Variants in SERPINB10 observed in about 807,000 individuals in gnomAD.
SERPINB10 encodes serpin family B member 10, also known as serpin B10.
In SERPINB10, 35 loss-of-function variants were observed where a neutral mutation model predicts 39.1. The observed-to-expected ratio is 0.90, with a 90% CI of 0.68 to 1.19. SERPINB10 has a LOEUF of 1.19. SERPINB10 is among the 50% of genes most tolerant of loss of function. The probability of loss-of-function intolerance (pLI) is 0.00; values close to 1 mark genes in which losing one functional copy is unlikely to be tolerated. For synonymous variants in SERPINB10, 190 were observed against 158.1 expected, an observed-to-expected ratio of 1.20 and a Z score of -1.52; for missense variants, 546 against 460.5, an observed-to-expected ratio of 1.19 and a Z score of -1.70.
At chr18:63,913,093 C>T (rs2050076642) in intron 1 of SERPINB10, among the ~76,000 whole-genome samples, 1 of 151,812 alleles carries the variant, frequency 6.6e-6, no homozygotes, top group Non-Finnish European at 1.5e-5. Flanking sequence ...CTCTGAGGAT[C>T]ATTTGTATTT....
chr18:63,910,434 T>G (rs1360934843), intron 1 of SERPINB10, among the ~76,000 whole-genome samples: 1 of 151,882 alleles, frequency 6.6e-6, no homozygotes, highest in Non-Finnish European at 1.5e-5. Context: ...CAATAGTTAG[T>G]TTTTCAATCT....
intron 5 of SERPINB10, among the ~76,000 whole-genome samples, chr18:63,927,054 C>T (rs1319774767): frequency 6.6e-6 from 1 of 151,804 alleles, no homozygotes; most frequent in Non-Finnish European, 1.5e-5. Context: ...TTATTATTTG[C>T]AAATAATAAT....
intron 1 of SERPINB10, among the ~76,000 whole-genome samples, chr18:63,914,981 G>C (rs1019087256): frequency 2.0e-5 from 3 of 152,030 alleles, no homozygotes; most frequent in African/African-American, 7.2e-5. Flanking sequence ...AATTAGTTGT[G>C]CATGATTCCA....
In SERPINB10 at chr18:63,917,504, GAA is replaced by G; in HGVS notation, c.225_226del (p.Arg76GlufsTer15). ...GGGAGTCAAATGTGACCCTGAAAGT[GAA>G]AAAAAAAGGAAAATGGTATATCTTA... Reference protein sequence around the residue: ...DQGVKCDPESEKKRKMEFNLS... With the variant: ...DQGVKCDPESXKKRKMEFNLS... On this transcript the variant is annotated frameshift_variant, in exon 3 of 8. Coordinates refer to ENST00000238508, the MANE Select transcript of SERPINB10 (RefSeq NM_005024.3). LOFTEE classifies it high-confidence loss of function. 9 of 1,531,352 alleles carry G rather than the reference GAA, an allele frequency of 5.9e-6. No individual in the cohort carries two copies. Among genetic ancestry groups the G allele is most frequent in the Admixed American group, 4.0e-5 (2 of 49,980 alleles). 94.9% of individuals were successfully genotyped at this position (1,531,352 alleles called of 1,614,324 possible).
chr18:63,908,794 C>T (rs1160601493), intron 1 of SERPINB10, among the ~76,000 whole-genome samples: 2 of 151,848 alleles, frequency 1.3e-5, no homozygotes, highest in East Asian at 3.9e-4. Flanking sequence ...GGCAAGAGGC[C>T]CTTGGGAGTG....
At chr18:63,915,183 T>C (rs1420561285) in intron 1 of SERPINB10, among the ~76,000 whole-genome samples, 2 of 151,980 alleles carry the variant, frequency 1.3e-5, no homozygotes. Context: ...TACAAACACA[T>C]GGAAACAAAA....
rs397969917 is a variant in SERPINB10, at chr18:63,919,236, A to ATTTTTTT, written c.373-544_373-538dup. ...AGGACCAGGAGGAGGTGAAGGCCTC[A>ATTTTTTT]TTTTTTTTTTTTTTGCCTCAGAATG... On this transcript the variant is annotated intron_variant, in intron 4 of 7. Transcript: ENST00000238508. 4.2e-3 allele frequency among the ~76,000 whole-genome samples: 598 copies of ATTTTTTT among 142,868 alleles called. 19 individuals are homozygous for ATTTTTTT. The highest frequency in any genetic ancestry group is 0.041 in the East Asian group (199 of 4,898). The allele number at this position is 142,868 out of a possible 152,430, so 93.7% of individuals were successfully genotyped here.
At chr18:63,924,282 C>T (rs1408756350) in intron 5 of SERPINB10, among the ~76,000 whole-genome samples, 3 of 151,954 alleles carry the variant, frequency 2.0e-5, no homozygotes, top group East Asian at 3.9e-4. Flanking sequence ...GCATGGGAAG[C>T]TTCCAGTTTT....
chr18:63,923,052 T>C (rs745729060), intron 5 of SERPINB10, among the ~76,000 whole-genome samples: 1 of 151,894 alleles, frequency 6.6e-6, no homozygotes, highest in Non-Finnish European at 1.5e-5. Flanking sequence ...ATCCACACTT[T>C]AAAAAATTCT....
intron 5 of SERPINB10, among the ~76,000 whole-genome samples, chr18:63,922,069 T>C (rs1234751066): frequency 6.6e-6 from 1 of 151,982 alleles, no homozygotes; most frequent in Non-Finnish European, 1.5e-5. Flanking sequence ...TATACATCTA[T>C]GTCCCCTGCT....
intron 2 of SERPINB10, 67 bp from the exon 3 acceptor site, chr18:63,917,389 G>T: frequency 2.2e-6 from 2 of 900,820 alleles, no homozygotes; most frequent in Non-Finnish European, 3.3e-6. Flanking sequence ...TGTATTTACA[G>T]ATGATGTATG....
intron 5 of SERPINB10, among the ~76,000 whole-genome samples, chr18:63,924,707 C>T (rs2050168730): frequency 6.6e-6 from 1 of 151,904 alleles, no homozygotes; most frequent in African/African-American, 2.4e-5. Context: ...GAGCAACACC[C>T]CAACCTCCCA....
chr18:63,917,568 C>A, intron 3 of SERPINB10, 47 bp downstream of exon 3: 2 of 1,096,844 alleles, frequency 1.8e-6, no homozygotes, highest in Non-Finnish European at 2.6e-6. Flanking sequence ...GGAAAAAGTA[C>A]TTTTAGCACA....
At chr18:63,919,219 G>T (rs2050127934) in intron 4 of SERPINB10, among the ~76,000 whole-genome samples, 1 of 148,450 alleles carries the variant, frequency 6.7e-6, no homozygotes, top group African/African-American at 2.6e-5. Flanking sequence ...AGAGGACCAG[G>T]AGGAGGTGAA....
chr18:63,917,832 A>G (rs2050115179), intron 3 of SERPINB10, 133 bp from the exon 4 acceptor site: 4 of 774,648 alleles, frequency 5.2e-6, no homozygotes, highest in Non-Finnish European at 6.1e-6. Flanking sequence ...TAAAGAAAAC[A>G]TTTTTATCCA....
rs903148777 is a variant in SERPINB10 at position 63,935,907 on chromosome 18, A to G, written c.*665A>G. ...ACTTATATTGACATTAGCTTAAAAAACTAGTGAAATCCAAATGAAATTTGA... is the reference window on the plus strand; with the variant it reads ...ACTTATATTGACATTAGCTTAAAAAGCTAGTGAAATCCAAATGAAATTTGA... On this transcript the variant is annotated 3_prime_UTR_variant, in exon 8 of 8. Transcript: ENST00000238508. The G allele has an allele frequency of 1.3e-5, 2 of 152,232 alleles. No homozygotes were observed. 9.4% of individuals were successfully genotyped at this position (152,232 alleles called of 1,614,324 possible).
At chr18:63,916,257 T>A (rs1435488324) in intron 2 of SERPINB10, among the ~76,000 whole-genome samples, 1 of 150,956 alleles carries the variant, frequency 6.6e-6, no homozygotes, top group Non-Finnish European at 1.5e-5. Flanking sequence ...TATGTAGTCA[T>A]AGATAGCAAA....
Position 63,930,093 on chromosome 18 carries a change from G to T in SERPINB10, c.539G>T (p.Arg180Met). Residue 180 changes from arginine (R) to methionine (M), a missense_variant, in exon 6 of 8, where the codon AGG becomes ATG. Arg to Met is a moderately conservative substitution (Grantham distance 91, BLOSUM62 -1). Transcript: ENST00000238508. ...LPDDSVDSTT[R>M]MILVNALYFK... ...GATGACTCTGTGGATTCCACAACCA[G>T]GATGATTCTGGTGAACGCCCTATAC... 6.2e-7 allele frequency: 1 copy of T among 1,613,494 alleles called. No homozygotes were observed. The highest frequency in any genetic ancestry group is 8.5e-7 in the Non-Finnish European group (1 of 1,179,650).
intron 5 of SERPINB10, among the ~76,000 whole-genome samples, chr18:63,924,883 T>C (rs2050169955): frequency 6.6e-6 from 1 of 152,018 alleles, no homozygotes; most frequent in Non-Finnish European, 1.5e-5. Flanking sequence ...ACATATGGTC[T>C]AAAACATTAA....
Sources: gnomAD v4.1 joint callset for allele counts (sites outside exome capture counted in the v4.1 genomes callset) on GRCh38, gnomAD v4.1.1 for gene constraint, MANE v1.5 for transcripts, NCBI Gene and HGNC (gene_info 2026-07-23, HGNC 2026-07-21) for gene names.